Variants in SNTB2 observed in about 807,000 individuals in gnomAD.
SNTB2 encodes the protein syntrophin beta 2, also known as beta-2-syntrophin.
In SNTB2, 34 loss-of-function variants were observed where a neutral mutation model predicts 46.2. The observed-to-expected ratio is 0.74, with a 90% CI of 0.56 to 0.98. The LOEUF (loss-of-function observed/expected upper bound fraction) is 0.98, where lower values mean the gene tolerates loss of function less well. SNTB2 is among the 50% of genes least tolerant of loss of function. The pLI is 0.00. For synonymous variants in SNTB2, 290 were observed against 312.6 expected (o/e 0.93, Z 0.76); for missense variants, 603 against 731.4 (o/e 0.82, Z 2.02).
chr16:69,210,519 T>C (rs1455297085), intron 1 of SNTB2, among the ~76,000 whole-genome samples: 1 of 150,566 alleles, frequency 6.6e-6, no homozygotes, highest in African/African-American at 2.4e-5. Flanking sequence ...ATTACAGGCA[T>C]GAGCCACCGC....
At chr16:69,254,958 A>G (rs1484438539) in intron 2 of SNTB2, among the ~76,000 whole-genome samples, 1 of 152,162 alleles carries the variant, frequency 6.6e-6, no homozygotes, top group Non-Finnish European at 1.5e-5. Flanking sequence ...ATTTCTGCCC[A>G]GTAATCTGTG....
intron 3 of SNTB2, among the ~76,000 whole-genome samples, chr16:69,266,364 AAAAACAAAAC>A (rs370954082): frequency 0.029 from 4,456 of 152,286 alleles, 90 homozygotes; most frequent in Non-Finnish European, 0.042. Flanking sequence ...AGTCTATTGT[AAAAACAAAAC>A]AAAACAAAAC....
At chr16:69,212,040 AACTG>A (rs1453995276) in intron 1 of SNTB2, among the ~76,000 whole-genome samples, 2 of 152,176 alleles carry the variant, frequency 1.3e-5, no homozygotes, top group Admixed American at 6.6e-5. Context: ...TACAACCCTT[AACTG>A]ACTATCAACA....
intron 5 of SNTB2, among the ~76,000 whole-genome samples, chr16:69,294,462 G>A (rs1277675035): frequency 6.6e-6 from 1 of 152,086 alleles, no homozygotes; most frequent in Non-Finnish European, 1.5e-5. Context: ...GGTGGCTAAT[G>A]CCTGTAATCC....
At chr16:69,244,560 C>T (rs1282600540) in intron 1 of SNTB2, among the ~76,000 whole-genome samples, 2 of 152,180 alleles carry the variant, frequency 1.3e-5, no homozygotes, top group South Asian at 2.1e-4. Context: ...CACCATGCCT[C>T]GAGTGACAGT....
At chr16:69,273,189 C>G (rs1964954652) in intron 4 of SNTB2, among the ~76,000 whole-genome samples, 1 of 152,190 alleles carries the variant, frequency 6.6e-6, no homozygotes, top group African/African-American at 2.4e-5. Flanking sequence ...TTCTCAAAAG[C>G]TAAACATAGA....
intron 1 of SNTB2, among the ~76,000 whole-genome samples, chr16:69,209,454 G>A (rs1005253502): frequency 1.3e-5 from 2 of 152,060 alleles, no homozygotes; most frequent in Non-Finnish European, 2.9e-5. Flanking sequence ...GCTTCTCTCT[G>A]TATTATAGAA....
chr16:69,260,736 A>C (rs1243186299), intron 3 of SNTB2, among the ~76,000 whole-genome samples: 2 of 152,212 alleles, frequency 1.3e-5, no homozygotes, highest in African/African-American at 2.4e-5. Context: ...ATCTGGCCCA[A>C]GTGTCATAGT....
chr16:69,233,531 G>C (rs949919236), intron 1 of SNTB2, among the ~76,000 whole-genome samples: 3 of 152,154 alleles, frequency 2.0e-5, no homozygotes, highest in Admixed American at 1.3e-4. Flanking sequence ...TACTGACATG[G>C]ATGTGCTTAT....
At position 69,305,096 on chromosome 16, in the gene SNTB2, C is replaced by T. The variant is rs562828146; in HGVS notation, c.*4172C>T. 2.6e-5 allele frequency: 4 copies of T among 152,104 alleles called. No individual in the cohort carries two copies. The highest frequency in any genetic ancestry group is 9.7e-5 in the African/African-American group (4 of 41,384). 9.4% of individuals were successfully genotyped at this position (152,104 alleles called of 1,614,324 possible). On this transcript the variant is annotated 3_prime_UTR_variant, in exon 7 of 7. Transcript: ENST00000336278. ...GTGTGAGAAAAGGTTATAATAGATT[C>T]TTTTTTTTAATTTTGTGAGAAATTC...
intron 1 of SNTB2, among the ~76,000 whole-genome samples, chr16:69,212,912 C>T (rs932076428): frequency 1.3e-5 from 2 of 152,206 alleles, no homozygotes; most frequent in Admixed American, 6.5e-5. Context: ...GGATTACAGG[C>T]GTGAGCCACC....
intron 1 of SNTB2, among the ~76,000 whole-genome samples, chr16:69,200,082 T>G (rs1050131550): frequency 6.6e-6 from 1 of 152,088 alleles, no homozygotes. Context: ...ACCCAGCTAA[T>G]TTTTTGTATT....
At chr16:69,198,386 G>C (rs1172566291) in intron 1 of SNTB2, among the ~76,000 whole-genome samples, 4 of 152,132 alleles carry the variant, frequency 2.6e-5, no homozygotes, top group Non-Finnish European at 5.9e-5. Flanking sequence ...TGGGATTACA[G>C]ATGTGAGTCC....
At chr16:69,219,175 T>G (rs1226627245) in intron 1 of SNTB2, among the ~76,000 whole-genome samples, 1 of 152,220 alleles carries the variant, frequency 6.6e-6, no homozygotes, top group African/African-American at 2.4e-5. Flanking sequence ...AGACATCAGG[T>G]CTGGTTCAGG....
intron 1 of SNTB2, among the ~76,000 whole-genome samples, chr16:69,220,154 ATT>A (rs889068336): frequency 2.2e-4 from 21 of 97,544 alleles, no homozygotes; most frequent in African/African-American, 4.1e-4. Flanking sequence ...AGAAAGTCAG[ATT>A]TTTTTTTTTT....
At chr16:69,203,624 C>T (rs1429702645) in intron 1 of SNTB2, among the ~76,000 whole-genome samples, 1 of 151,950 alleles carries the variant, frequency 6.6e-6, no homozygotes, top group Non-Finnish European at 1.5e-5. Context: ...ACAGACTGAG[C>T]CACTGTGTGT....
intron 1 of SNTB2, among the ~76,000 whole-genome samples, chr16:69,203,329 G>GTTGTT (rs998151915): frequency 2.6e-5 from 4 of 151,694 alleles, no homozygotes; most frequent in Admixed American, 6.6e-5. Flanking sequence ...TTTTGTTATT[G>GTTGTT]TTGTTTTGTT....
At chr16:69,274,095 C>T (rs1432872684) in intron 4 of SNTB2, among the ~76,000 whole-genome samples, 6 of 151,950 alleles carry the variant, frequency 3.9e-5, no homozygotes, top group African/African-American at 1.2e-4. Context: ...TGGCGGATCA[C>T]GAGGTCAGGA....
At chr16:69,237,599 CTTTCTTTTTTT>C (rs1269785507) in intron 1 of SNTB2, among the ~76,000 whole-genome samples, 1 of 110,310 alleles carries the variant, frequency 9.1e-6, no homozygotes, top group Non-Finnish European at 1.9e-5. Context: ...TTCTTTCTTT[CTTTCTTTTTTT>C]TTTTTTTTTT....
Sources: allele counts gnomAD v4.1 joint callset (sites outside exome capture counted in the v4.1 genomes callset), GRCh38; gene constraint gnomAD v4.1.1; transcripts MANE v1.5; gene names NCBI Gene and HGNC (gene_info 2026-07-23, HGNC 2026-07-21).